ROBO2: variants seen among roughly 807,000 people sequenced by gnomAD.
ROBO2 encodes the protein roundabout homolog 2.
A neutral mutation model predicts 160.8 loss-of-function variants in ROBO2; 53 were observed. The ratio of observed to expected loss-of-function variants is 0.33; its 90% CI spans 0.26 to 0.41. The LOEUF is 0.41. ROBO2 is among the 10% of genes least tolerant of loss of function. The probability of loss-of-function intolerance (pLI) is 1.00; values close to 1 mark genes in which losing one functional copy is unlikely to be tolerated. For synonymous variants in ROBO2, 664 were observed against 611.7 expected, an observed-to-expected ratio of 1.09 and a Z score of -1.26; for missense variants, 1,577 against 1,722.4, an observed-to-expected ratio of 0.92 and a Z score of 1.49.
chr3:77,074,681 T>C (rs1368169895), intron 1 of ROBO2, among the ~76,000 whole-genome samples: 1 of 152,160 alleles, frequency 6.6e-6, no homozygotes, highest in Non-Finnish European at 1.5e-5. Context: ...TATTGTTTGA[T>C]CTCCCCTTCT....
At chr3:76,477,957 CA>C (rs1372985396) in intron 2 of ROBO2, among the ~76,000 whole-genome samples, 2 of 151,902 alleles carry the variant, frequency 1.3e-5, no homozygotes, top group Non-Finnish European at 2.9e-5. Context: ...TTTCTCCATT[CA>C]AAAAACTTCT....
At chr3:77,612,161 G>A (rs1201763421) in intron 21 of ROBO2, among the ~76,000 whole-genome samples, 1 of 152,150 alleles carries the variant, frequency 6.6e-6, no homozygotes, top group Non-Finnish European at 1.5e-5. Flanking sequence ...CTCCAGGAAA[G>A]GTTGACCAAA....
rs1701746962 is a variant in ROBO2 at position 76,186,024 on chromosome 3, C to T, written c.109+248422C>T. 2.0e-5 allele frequency among the ~76,000 whole-genome samples: 3 copies of T among 150,386 alleles called. No individual in the cohort carries two copies. The Admixed American group carries it at 2.0e-4, about 10-fold the overall frequency. ...TCACAGCTCACTGCAGCATCAAGCT[C>T]CTGCAATCAAGCCATCCTTCCACAT... On this transcript the variant is annotated intron_variant, in intron 2 of 26. Coordinates refer to the ROBO2 transcript ENST00000487694.
chr3:77,349,618 A>G (rs540066800), intron 2 of ROBO2, among the ~76,000 whole-genome samples: 6 of 152,328 alleles, frequency 3.9e-5, no homozygotes, highest in African/African-American at 1.4e-4. Context: ...GCAGACATAG[A>G]GGCACTTCAA....
At chr3:76,114,184 C>T (rs1372402045) in intron 2 of ROBO2, among the ~76,000 whole-genome samples, 2 of 152,116 alleles carry the variant, frequency 1.3e-5, no homozygotes, top group African/African-American at 2.4e-5. Context: ...ATCACTGTCG[C>T]GTTGTGAATT....
intron 2 of ROBO2, among the ~76,000 whole-genome samples, chr3:76,128,065 T>C (rs906379851): frequency 1.3e-5 from 2 of 151,826 alleles, no homozygotes; most frequent in Non-Finnish European, 2.9e-5. Flanking sequence ...CCAGCTAATT[T>C]TTGCATTTTT....
intron 1 of ROBO2, among the ~76,000 whole-genome samples, chr3:75,922,640 A>G (rs988296546): frequency 3.3e-5 from 5 of 152,134 alleles, no homozygotes; most frequent in African/African-American, 1.2e-4. Flanking sequence ...ACAAAATGCA[A>G]AAACAATAGA....
At chr3:77,502,658 TA>T (rs1234048504) in intron 5 of ROBO2, among the ~76,000 whole-genome samples, 1 of 152,088 alleles carries the variant, frequency 6.6e-6, no homozygotes, top group South Asian at 2.1e-4. Flanking sequence ...CCAATTCTGA[TA>T]AAAAACATTA....
At chr3:76,146,862 C>T (rs888756965) in intron 2 of ROBO2, among the ~76,000 whole-genome samples, 1 of 148,042 alleles carries the variant, frequency 6.8e-6, no homozygotes, top group Admixed American at 6.7e-5. Flanking sequence ...CTCTCCCCTC[C>T]ACCACACACA....
intron 2 of ROBO2, among the ~76,000 whole-genome samples, chr3:76,713,135 G>A (rs1046870374): frequency 1.3e-5 from 2 of 152,176 alleles, no homozygotes; most frequent in African/African-American, 4.8e-5. Flanking sequence ...CATCATATGG[G>A]ATGAGTGTTC....
intron 2 of ROBO2, among the ~76,000 whole-genome samples, chr3:76,742,559 A>G (rs1160482043): frequency 6.6e-6 from 1 of 152,076 alleles, no homozygotes; most frequent in East Asian, 1.9e-4. Context: ...CTCACCCCAA[A>G]TGAAGATTTT....
Position 77,401,133 on chromosome 3 carries a change from C to T in ROBO2, c.389-76281C>T, listed in dbSNP as rs564714298. ...AGTAAATCTGTCAAGAAATGTCATGCCTTTGTTTAGATTACTTCCTCATCA... is the reference window on the plus strand; with the variant it reads ...AGTAAATCTGTCAAGAAATGTCATGTCTTTGTTTAGATTACTTCCTCATCA... On this transcript the variant is annotated intron_variant, in intron 2 of 25. Coordinates refer to ENST00000461745, the Ensembl canonical transcript of ROBO2. Among the ~76,000 whole-genome samples the T allele has an allele frequency of 6.6e-5, 10 of 152,012 alleles. No individual in the cohort carries two copies. The South Asian group carries it at 2.1e-3, about 32-fold the overall frequency.
intron 2 of ROBO2, among the ~76,000 whole-genome samples, chr3:76,551,162 C>T (rs2083393609): frequency 6.6e-6 from 1 of 151,970 alleles, no homozygotes; most frequent in Non-Finnish European, 1.5e-5. Flanking sequence ...CCCTTCTGAG[C>T]CCATGAAAAC....
chr3:76,775,687 GA>G (rs1206528193), intron 2 of ROBO2, among the ~76,000 whole-genome samples: 1 of 150,598 alleles, frequency 6.6e-6, no homozygotes, highest in Non-Finnish European at 1.5e-5. Context: ...AAGGAAATAT[GA>G]ATGAAAATTA....
intron 23 of ROBO2, among the ~76,000 whole-genome samples, chr3:77,624,339 ATG>A (rs1218467601): frequency 6.6e-6 from 1 of 151,952 alleles, no homozygotes; most frequent in African/African-American, 2.4e-5. Flanking sequence ...GTGAGAGAGT[ATG>A]TGTTAGATGT....
At chr3:77,577,721 T>C in intron 15 of ROBO2, 107 bp downstream of exon 16, 1 of 1,339,482 alleles carries the variant, frequency 7.5e-7, no homozygotes, top group South Asian at 1.2e-5. Flanking sequence ...TCAGTTTAAG[T>C]GTAAAGTTTT....
chr3:76,936,020 A>G lies in ROBO2; in HGVS notation c.110-161994A>G, dbSNP rs75690850. Among the ~76,000 whole-genome samples, 992 of 152,290 alleles carry G rather than the reference A, an allele frequency of 6.5e-3. 10 individuals are homozygous for G. The highest frequency in any genetic ancestry group is 0.022 in the African/African-American group (931 of 41,572). ...CAATTCTTTTGTTGAAGATTTCTCA[A>G]TTTGAATTGGTCTGAAATTCTCTCA... On this transcript the variant is annotated intron_variant, in intron 2 of 26. Transcript: ENST00000487694.
chr3:76,790,901 T>C lies in ROBO2; in HGVS notation c.110-307113T>C, dbSNP rs140640776. Among the ~76,000 whole-genome samples, 69 of 151,830 alleles carry C rather than the reference T, an allele frequency of 4.5e-4. 1 individual carries two copies. The highest frequency in any genetic ancestry group is 1.6e-3 in the African/African-American group (67 of 41,508). On this transcript the variant is annotated intron_variant, in intron 2 of 26. Transcript: ENST00000487694. ...ACTACTTGTGTGATCTTAGACAAGT[T>C]ATATAAATTTCTTTATTTTCTTCTT...
chr3:76,247,574 G>A (rs1365993117), intron 2 of ROBO2, among the ~76,000 whole-genome samples: 1 of 152,006 alleles, frequency 6.6e-6, no homozygotes, highest in Non-Finnish European at 1.5e-5. Context: ...TAATAAGCAG[G>A]ATTTTGTTGT....
Sources: gnomAD v4.1 joint callset for allele counts (sites outside exome capture counted in the v4.1 genomes callset) on GRCh38, gnomAD v4.1.1 for gene constraint, MANE v1.5 for transcripts, NCBI Gene and HGNC (gene_info 2026-07-23, HGNC 2026-07-21) for gene names.